ARHGAP24: variants seen among roughly 807,000 people sequenced by gnomAD.
The protein encoded by ARHGAP24 is Rho GTPase activating protein 24, also known as rho GTPase-activating protein 24.
A neutral mutation model predicts 76.4 loss-of-function variants in ARHGAP24; 50 were observed. That is an observed-to-expected ratio of 0.65 (90% CI 0.52 to 0.83). The LOEUF (loss-of-function observed/expected upper bound fraction) is 0.83, where lower values mean the gene tolerates loss of function less well. ARHGAP24 is among the 40% of genes least tolerant of loss of function. ARHGAP24 has a pLI of 0.00. For synonymous variants in ARHGAP24, 345 were observed against 323.3 expected (o/e 1.07, Z -0.72); for missense variants, 930 against 914.2 (o/e 1.02, Z -0.22).
At chr4:85,929,785 G>A (rs1447397546) in intron 4 of ARHGAP24, among the ~76,000 whole-genome samples, 1 of 152,188 alleles carries the variant, frequency 6.6e-6, no homozygotes, top group Non-Finnish European at 1.5e-5. Flanking sequence ...TGTTAAATCA[G>A]TGCTCACAAA....
intron 2 of ARHGAP24, among the ~76,000 whole-genome samples, chr4:85,646,672 G>T (rs570437934): frequency 6.6e-6 from 1 of 152,018 alleles, no homozygotes; most frequent in African/African-American, 2.4e-5. Context: ...TAAATATCAT[G>T]ACTTTTTAAA....
intron 3 of ARHGAP24, among the ~76,000 whole-genome samples, chr4:85,813,746 T>C (rs991082582): frequency 4.0e-5 from 6 of 149,858 alleles, no homozygotes; most frequent in Admixed American, 2.7e-4. Context: ...GTAAATATTG[T>C]GAAATGATTA....
intron 2 of ARHGAP24, among the ~76,000 whole-genome samples, chr4:85,710,019 A>C (rs1360426718): frequency 1.3e-5 from 2 of 152,172 alleles, no homozygotes; most frequent in Non-Finnish European, 2.9e-5. Flanking sequence ...AAAACTATTT[A>C]AAAATTTATA....
intron 2 of ARHGAP24, among the ~76,000 whole-genome samples, chr4:85,580,560 G>A (rs1727566227): frequency 6.6e-6 from 1 of 152,038 alleles, no homozygotes; most frequent in African/African-American, 2.4e-5. Context: ...GGTATTGCAG[G>A]CCCCTCCACA....
chr4:85,856,762 G>A (rs887363669), intron 3 of ARHGAP24, among the ~76,000 whole-genome samples: 10 of 151,940 alleles, frequency 6.6e-5, no homozygotes, highest in African/African-American at 2.2e-4. Flanking sequence ...GAGCCACCGC[G>A]CCCGGCTGGA....
intron 3 of ARHGAP24, among the ~76,000 whole-genome samples, chr4:85,831,894 T>A (rs1426636888): frequency 1.6e-5 from 2 of 125,278 alleles, no homozygotes; most frequent in Non-Finnish European, 3.2e-5. Flanking sequence ...AGAGTGAGAC[T>A]CTATCTAAAA....
At chr4:85,598,020 C>T (rs1460431105) in intron 2 of ARHGAP24, among the ~76,000 whole-genome samples, 2 of 151,988 alleles carry the variant, frequency 1.3e-5, no homozygotes, top group Non-Finnish European at 2.9e-5. Context: ...TTCACTTTAA[C>T]TTGGAGAATT....
chr4:85,640,625 A>G (rs951869814), intron 2 of ARHGAP24, among the ~76,000 whole-genome samples: 1 of 152,226 alleles, frequency 6.6e-6, no homozygotes, highest in African/African-American at 2.4e-5. Context: ...CCTAGGTTTC[A>G]TATTGCTTTT....
chr4:85,975,208 A>C (rs1739251776), intron 7 of ARHGAP24, among the ~76,000 whole-genome samples: 1 of 152,212 alleles, frequency 6.6e-6, no homozygotes, highest in South Asian at 2.1e-4. Flanking sequence ...TTTGAACTTC[A>C]ATCAAGTTTT....
intron 4 of ARHGAP24, among the ~76,000 whole-genome samples, chr4:85,924,950 C>T (rs1735935207): frequency 6.6e-6 from 1 of 152,166 alleles, no homozygotes; most frequent in African/African-American, 2.4e-5. Context: ...TGCTACCTTT[C>T]ATTCCCACGG....
chr4:85,649,037 T>TGTGTGTGTG lies in ARHGAP24; in HGVS notation c.181-72848_181-72847insGTGTGTGTG, dbSNP rs199528525. ...TGTGTGTGTGTGTGTGTGTGTGTGT[T>TGTGTGTGTG]TGTGTGTGTGTGCTTATATTCTATT... On this transcript the variant is annotated intron_variant, in intron 2 of 9. Transcript: ENST00000395184. Among the ~76,000 whole-genome samples the TGTGTGTGTG allele has an allele frequency of 8.5e-3, 948 of 111,146 alleles. 18 individuals carry two copies. Among genetic ancestry groups the TGTGTGTGTG allele is most frequent in the African/African-American group, 0.029 (903 of 30,862 alleles). The allele number at this position is 111,146 out of a possible 152,430, so 72.9% of individuals were successfully genotyped here. A position where few individuals can be genotyped will look rare whatever the true frequency, so the allele number is the denominator to read the frequency against.
At chr4:85,867,246 A>G (rs956970209) in intron 3 of ARHGAP24, among the ~76,000 whole-genome samples, 1 of 152,162 alleles carries the variant, frequency 6.6e-6, no homozygotes, top group African/African-American at 2.4e-5. Context: ...TTAAATGTTA[A>G]TGCTGATTGA....
At chr4:85,864,730 G>A (rs1362788170) in intron 3 of ARHGAP24, among the ~76,000 whole-genome samples, 1 of 151,914 alleles carries the variant, frequency 6.6e-6, no homozygotes, top group Non-Finnish European at 1.5e-5. Flanking sequence ...CATGAGCTAC[G>A]CCCATCTGCA....
Position 85,628,419 on chromosome 4 carries a change from T to C in ARHGAP24, c.180+57698T>C, listed in dbSNP as rs1475517860. Among the ~76,000 whole-genome samples, 3 of 152,332 alleles carry C rather than the reference T, an allele frequency of 2.0e-5. No homozygotes were observed. In the East Asian group the frequency reaches 5.8e-4, roughly 29 times the overall value. On this transcript the variant is annotated intron_variant, in intron 2 of 9. Transcript: ENST00000395184. ...GGCTAATATATTCTATTGTGGATAA[T>C]GTTCCATGCATGCTTGAAAAAGAAT...
chr4:85,664,122 C>A (rs1483459869), intron 2 of ARHGAP24, among the ~76,000 whole-genome samples: 4 of 151,396 alleles, frequency 2.6e-5, no homozygotes, highest in Non-Finnish European at 5.9e-5. Context: ...TAGAATTCGG[C>A]TGTGAATCCA....
intron 2 of ARHGAP24, among the ~76,000 whole-genome samples, chr4:85,640,498 A>T (rs930558000): frequency 6.6e-6 from 1 of 152,174 alleles, no homozygotes; most frequent in African/African-American, 2.4e-5. Context: ...GCTAAATAAT[A>T]CCTACATTTT....
intron 3 of ARHGAP24, among the ~76,000 whole-genome samples, chr4:85,887,686 G>A (rs183553947): frequency 1.3e-5 from 2 of 152,248 alleles, no homozygotes; most frequent in East Asian, 3.9e-4. Flanking sequence ...TTTTACCTCT[G>A]TCATTACCTC....
intron 2 of ARHGAP24, among the ~76,000 whole-genome samples, chr4:85,673,160 T>C (rs1198664363): frequency 2.0e-5 from 3 of 152,206 alleles, no homozygotes; most frequent in African/African-American, 7.2e-5. Flanking sequence ...TGTGCTACCC[T>C]GTTGCCCTTC....
At chr4:85,719,769 G>A (rs1288998134) in intron 2 of ARHGAP24, among the ~76,000 whole-genome samples, 1 of 152,134 alleles carries the variant, frequency 6.6e-6, no homozygotes, top group East Asian at 1.9e-4. Flanking sequence ...ACAGTTTAAC[G>A]AGGGAGATGG....
Sources: gnomAD v4.1 joint callset for allele counts (sites outside exome capture counted in the v4.1 genomes callset) on GRCh38, gnomAD v4.1.1 for gene constraint, MANE v1.5 for transcripts, NCBI Gene and HGNC (gene_info 2026-07-23, HGNC 2026-07-21) for gene names.